The following CARNMT1 variants were observed in gnomAD, a reference collection of about 807,000 sequenced individuals.
CARNMT1 encodes the protein carnosine N-methyltransferase 1.
In CARNMT1, 28 loss-of-function variants were observed where a neutral mutation model predicts 49.6. The ratio of observed to expected loss-of-function variants is 0.56; its 90% CI spans 0.42 to 0.77. The LOEUF (loss-of-function observed/expected upper bound fraction) is 0.77, where lower values mean the gene tolerates loss of function less well. Among genes scored for constraint, CARNMT1 ranks in the 30% least tolerant of loss-of-function variants. The pLI, the probability that CARNMT1 is intolerant of heterozygous loss-of-function variation, is 0.00. For missense variants in CARNMT1, 421 were observed against 512.6 expected (o/e 0.82, Z 1.73); for synonymous variants, 178 against 175.0 (o/e 1.02, Z -0.13).
In CARNMT1 at chr9:74,998,583, T is replaced by G; in HGVS notation, c.910+15A>C. 2 of 1,528,974 alleles carry G rather than the reference T, an allele frequency of 1.3e-6. No individual in the cohort carries two copies. The highest frequency in any genetic ancestry group is 1.8e-6 in the Non-Finnish European group (2 of 1,138,194). 94.7% of individuals were successfully genotyped at this position (1,528,974 alleles called of 1,614,324 possible). A position where few individuals can be genotyped will look rare whatever the true frequency, so the allele number is the denominator to read the frequency against. The stretch of plus-strand genomic sequence containing the variant: ...ATAAAGGACAAGACTTTTTAAACGC[T>G]TGATTTGGACTTACTGCATTCTGAA... On this transcript the variant is annotated intron_variant, in intron 5 of 7. Coordinates refer to ENST00000376834, the MANE Select transcript of CARNMT1 (RefSeq NM_152420.3).
intron 7 of CARNMT1, among the ~76,000 whole-genome samples, chr9:74,984,116 T>C (rs1832756101): frequency 6.6e-6 from 1 of 152,216 alleles, no homozygotes; most frequent in Non-Finnish European, 1.5e-5. Context: ...CTATAATATG[T>C]TGCTTCTCGT....
chr9:75,001,169 A>G (rs926955654), intron 3 of CARNMT1, among the ~76,000 whole-genome samples: 5 of 152,208 alleles, frequency 3.3e-5, no homozygotes, highest in Non-Finnish European at 1.5e-5. Context: ...ACAGAAAGCA[A>G]AAGGATTTGG....
At chr9:75,013,045 T>G (rs1159117941) in intron 3 of CARNMT1, among the ~76,000 whole-genome samples, 1 of 152,196 alleles carries the variant, frequency 6.6e-6, no homozygotes, top group African/African-American at 2.4e-5. Flanking sequence ...CAAAACTTGG[T>G]GGACTGTCGG....
At chr9:75,015,198 C>T (rs1449484082) in intron 3 of CARNMT1, among the ~76,000 whole-genome samples, 2 of 152,074 alleles carry the variant, frequency 1.3e-5, no homozygotes, top group Non-Finnish European at 1.5e-5. Context: ...ATTTTTTCCC[C>T]TCAATTACGG....
chr9:74,982,897 G>A lies in CARNMT1; in HGVS notation c.*870C>T, dbSNP rs1832723851. On this transcript the variant is annotated 3_prime_UTR_variant, in exon 8 of 8. Coordinates refer to ENST00000376834, the MANE Select transcript of CARNMT1 (RefSeq NM_152420.3). ...TCTCGTATATTTCAAAGTGATCCAT[G>A]ATGAGTATGCTTTCATAAAGTGTTC... The A allele has an allele frequency of 6.6e-6, 1 of 151,894 alleles. No individual in the cohort carries two copies. Among genetic ancestry groups the A allele is most frequent in the African/African-American group, 2.4e-5 (1 of 41,354 alleles). 9.4% of individuals were successfully genotyped at this position (151,894 alleles called of 1,614,324 possible).
intron 6 of CARNMT1, among the ~76,000 whole-genome samples, chr9:74,987,243 G>A (rs534653226): frequency 6.6e-6 from 1 of 152,132 alleles, no homozygotes; most frequent in Admixed American, 6.6e-5. Flanking sequence ...CTAAGTTATA[G>A]ATACACTCAC....
At chr9:75,027,173 G>T in intron 1 of CARNMT1, 1 of 1,246,354 alleles carries the variant, frequency 8.0e-7, no homozygotes. Flanking sequence ...GTTGATTTAA[G>T]TCCCTTTCAG....
intron 1 of CARNMT1, among the ~76,000 whole-genome samples, chr9:75,020,053 G>C (rs912088915): frequency 6.6e-5 from 10 of 152,068 alleles, no homozygotes; most frequent in African/African-American, 2.2e-4. Context: ...AAACTACACA[G>C]AAAGCAAAGA....
intron 3 of CARNMT1, among the ~76,000 whole-genome samples, chr9:75,011,584 T>TACA (rs1833692291): frequency 1.3e-5 from 2 of 152,152 alleles, no homozygotes; most frequent in Admixed American, 6.5e-5. Context: ...CCCAAGTTGG[T>TACA]CTTGAATTCC....
chr9:75,012,913 G>A lies in CARNMT1; in HGVS notation c.590+3355C>T, dbSNP rs559755795. On this transcript the variant is annotated intron_variant, in intron 3 of 7. Transcript: ENST00000376834. ...AGCCTGGGCGACTGAGCAAGACTCCGTCTCAAAAAAAAAAAAAAAATCTTA... is the reference window on the plus strand; with the variant it reads ...AGCCTGGGCGACTGAGCAAGACTCCATCTCAAAAAAAAAAAAAAAATCTTA... Among the ~76,000 whole-genome samples, 39 of 147,716 alleles carry A rather than the reference G, an allele frequency of 2.6e-4. No individual in the cohort carries two copies. The East Asian group carries it at 6.0e-3, about 23-fold the overall frequency.
At chr9:75,018,256 G>T (rs1833907728) in intron 1 of CARNMT1, among the ~76,000 whole-genome samples, 1 of 151,926 alleles carries the variant, frequency 6.6e-6, no homozygotes, top group South Asian at 2.1e-4. Context: ...GTAGAGATGG[G>T]TTTCATCATG....
rs572199070 is a variant in CARNMT1 at position 75,021,469 on chromosome 9, ATATAC to A, written c.231-4026_231-4022del. 3.2e-5 allele frequency among the ~76,000 whole-genome samples: 4 copies of A among 123,396 alleles called. No homozygotes were observed. The East Asian group carries it at 8.9e-4, about 27-fold the overall frequency. The allele number at this position is 123,396 out of a possible 152,430, so 81.0% of individuals were successfully genotyped here. On this transcript the variant is annotated intron_variant, in intron 1 of 7. Coordinates refer to ENST00000376834, the MANE Select transcript of CARNMT1 (RefSeq NM_152420.3). ...TAAATAGTATATATAGGATAAATATATATACTATATATATATATCTACTGTTCAAA... is the reference window on the plus strand; with the variant it reads ...TAAATAGTATATATAGGATAAATATATATATATATATATCTACTGTTCAAA...
Position 74,983,788 on chromosome 9 carries a change from A to G in CARNMT1, c.1209T>C (p.Phe403=). The G allele has an allele frequency of 6.2e-7, 1 of 1,607,244 alleles. No individual in the cohort carries two copies. The highest frequency in any genetic ancestry group is 8.5e-7 in the Non-Finnish European group (1 of 1,176,060). ...MMKYYYECVL[F]VVRKPQ Reference sequence around the variant, plus strand: ...ACCATTATTGTGGCTTACGGACCACAAACAAGACACATTCATAGTAGTATT... The same window carrying G: ...ACCATTATTGTGGCTTACGGACCACGAACAAGACACATTCATAGTAGTATT... Residue 403 remains phenylalanine (F), a synonymous_variant, in exon 8 of 8, where the codon TTT becomes TTC. Transcript: ENST00000376834.
intron 1 of CARNMT1, among the ~76,000 whole-genome samples, chr9:75,021,030 C>G (rs558072429): frequency 3.3e-5 from 5 of 151,966 alleles, no homozygotes; most frequent in Middle Eastern, 6.8e-3. Context: ...TTAATAAATA[C>G]CAGGGACTAA....
chr9:75,017,476 T>C, intron 1 of CARNMT1, 28 bp from the exon 2 acceptor site: 1 of 1,595,404 alleles, frequency 6.3e-7, no homozygotes. Flanking sequence ...TTTTTTAAAT[T>C]CACAAAAGAA....
chr9:75,012,103 C>A (rs1833706009), intron 3 of CARNMT1, among the ~76,000 whole-genome samples: 1 of 152,018 alleles, frequency 6.6e-6, no homozygotes, highest in African/African-American at 2.4e-5. Context: ...GCACACATAC[C>A]CGATGAAAGG....
In CARNMT1 at chr9:74,981,689, A is replaced by G. The variant is rs1430049598; in HGVS notation, c.*2078T>C. The G allele has an allele frequency of 1.3e-5, 2 of 152,112 alleles. No individual in the cohort carries two copies. The highest frequency in any genetic ancestry group is 2.4e-5 in the African/African-American group (1 of 41,432). 9.4% of individuals were successfully genotyped at this position (152,112 alleles called of 1,614,324 possible). A position where few individuals can be genotyped will look rare whatever the true frequency, so the allele number is the denominator to read the frequency against. ...TTAAAGAAAACCTAATAGAAAAAAA[A>G]TTAATTAATAAAGCCAACCCACCAG... On this transcript the variant is annotated 3_prime_UTR_variant, in exon 8 of 8. Transcript: ENST00000376834.
chr9:75,011,246 T>C (rs530747701), intron 3 of CARNMT1, among the ~76,000 whole-genome samples: 2 of 152,232 alleles, frequency 1.3e-5, no homozygotes, highest in South Asian at 4.1e-4. Flanking sequence ...TAGAAGAACA[T>C]AGTAATGACT....
chr9:75,026,175 A>G (rs1822522476), intron 1 of CARNMT1, among the ~76,000 whole-genome samples: 1 of 152,224 alleles, frequency 6.6e-6, no homozygotes, highest in Non-Finnish European at 1.5e-5. Flanking sequence ...AATGTCCTGA[A>G]TCCAACATTA....
Sources: allele counts gnomAD v4.1 joint callset (sites outside exome capture counted in the v4.1 genomes callset), GRCh38; gene constraint gnomAD v4.1.1; transcripts MANE v1.5; gene names NCBI Gene and HGNC (gene_info 2026-07-23, HGNC 2026-07-21).